Variants in LSM1 observed in about 807,000 individuals in gnomAD.
LSM1 encodes U6 snRNA-associated Sm-like protein LSm1.
In LSM1, 13 loss-of-function variants were observed where a neutral mutation model predicts 18.0. The ratio of observed to expected loss-of-function variants is 0.72; its 90% CI spans 0.47 to 1.15. LSM1 has a LOEUF of 1.15. Ranked by LOEUF, LSM1 falls within the 50% of genes most tolerant of loss-of-function variation. The pLI, the probability that LSM1 is intolerant of heterozygous loss-of-function variation, is 0.00. For synonymous variants in LSM1, 46 were observed against 56.0 expected (o/e 0.82, Z 0.80); for missense variants, 152 against 157.7 (o/e 0.96, Z 0.19).
At chr8:38,168,719 TATAA>T (rs1226574680) in intron 3 of LSM1, among the ~76,000 whole-genome samples, 20 of 152,000 alleles carry the variant, frequency 1.3e-4, no homozygotes, top group South Asian at 4.1e-4. Context: ...AAGTATTACT[TATAA>T]ATATTTTATA....
At chr8:38,176,204 T>C in intron 1 of LSM1, 71 bp downstream of exon 1, 1 of 1,374,944 alleles carries the variant, frequency 7.3e-7, no homozygotes, top group African/African-American at 1.4e-5. Context: ...TACAAGCTTC[T>C]TCGGAAGAGG....
chr8:38,176,594 G>A, upstream of LSM1: 1 of 567,906 alleles, frequency 1.8e-6, no homozygotes, highest in Admixed American at 3.3e-5. Context: ...AAGTAGGTAA[G>A]AGGAAACTCC....
Position 38,176,314 on chromosome 8 carries a change from A to G in LSM1, c.7T>C (p.Tyr3His). The G allele has an allele frequency of 6.2e-7, 1 of 1,612,948 alleles. No homozygotes were observed. The highest frequency in any genetic ancestry group is 8.5e-7 in the Non-Finnish European group (1 of 1,179,562). The change falls in exon 1 of 4, where the codon TAT becomes CAT. Residue 3 changes from tyrosine (Y) to histidine (H), a missense_variant. Tyr to His is a moderately conservative substitution (Grantham distance 83). Coordinates refer to ENST00000311351, the MANE Select transcript of LSM1 (RefSeq NM_014462.3). MNYMPGTASLIED... is the reference protein window; with the variant it reads MNHMPGTASLIED... The stretch of plus-strand genomic sequence containing the variant: ...ATGAGGCTGGCGGTGCCAGGCATAT[A>G]GTTCATTTTGAACTGAAATAATGCT...
chr8:38,172,378 G>C (rs1033566666), intron 1 of LSM1, among the ~76,000 whole-genome samples: 32 of 146,234 alleles, frequency 2.2e-4, no homozygotes, highest in African/African-American at 7.9e-4. Context: ...CTGCAGTGCA[G>C]TGGCACAATC....
intron 1 of LSM1, among the ~76,000 whole-genome samples, chr8:38,172,665 A>C (rs1803051768): frequency 6.6e-6 from 1 of 152,224 alleles, no homozygotes; most frequent in Non-Finnish European, 1.5e-5. Flanking sequence ...ATGTCATGTC[A>C]GTTTTTATAT....
chr8:38,171,111 G>A, intron 2 of LSM1: 1 of 294,600 alleles, frequency 3.4e-6, no homozygotes, highest in Non-Finnish European at 7.2e-6. Flanking sequence ...TATATGTAAA[G>A]TATTAAGCTT....
At chr8:38,167,264 A>G (rs1473395610) in intron 3 of LSM1, among the ~76,000 whole-genome samples, 1 of 152,226 alleles carries the variant, frequency 6.6e-6, no homozygotes, top group African/African-American at 2.4e-5. Flanking sequence ...ACACACATCT[A>G]CTTAGATGTA....
intron 3 of LSM1, among the ~76,000 whole-genome samples, chr8:38,169,343 T>A (rs989018732): frequency 3.3e-5 from 5 of 152,192 alleles, no homozygotes; most frequent in African/African-American, 4.8e-5. Flanking sequence ...AGGATCCAAG[T>A]AAGACTGAAC....
chr8:38,170,164 C>T (rs1296633372), intron 2 of LSM1, among the ~76,000 whole-genome samples: 4 of 152,172 alleles, frequency 2.6e-5, no homozygotes, highest in Non-Finnish European at 5.9e-5. Context: ...CCTCAGATTC[C>T]GGAGTAGCTG....
intron 2 of LSM1, among the ~76,000 whole-genome samples, chr8:38,170,191 C>T (rs184538854): frequency 6.6e-6 from 1 of 152,184 alleles, no homozygotes; most frequent in African/African-American, 2.4e-5. Flanking sequence ...CAGGTGCCTG[C>T]CACCACTCCC....
chr8:38,172,104 C>T, intron 1 of LSM1, 71 bp from the exon 2 acceptor site: 2 of 1,075,780 alleles, frequency 1.9e-6, no homozygotes, highest in Non-Finnish European at 2.8e-6. Flanking sequence ...TAATAATTAA[C>T]AGTTTAAGCT....
intron 3 of LSM1, among the ~76,000 whole-genome samples, chr8:38,167,966 T>C (rs1483424808): frequency 4.2e-5 from 6 of 142,368 alleles, no homozygotes; most frequent in African/African-American, 1.3e-4. Flanking sequence ...GCTTTCAGAC[T>C]TTTTTTTTTT....
intron 3 of LSM1, among the ~76,000 whole-genome samples, chr8:38,164,617 T>C (rs1236943728): frequency 1.3e-5 from 2 of 150,304 alleles, no homozygotes; most frequent in Non-Finnish European, 3.0e-5. Context: ...GGCCTAGGAG[T>C]TCGAGACCAG....
intron 1 of LSM1, among the ~76,000 whole-genome samples, chr8:38,175,351 A>G (rs548947843): frequency 3.7e-4 from 56 of 152,274 alleles, no homozygotes; most frequent in African/African-American, 1.3e-3. Context: ...TACAGGCGTG[A>G]GCCACCGCGC....
chr8:38,172,081 C>A, intron 1 of LSM1, 48 bp from the exon 2 acceptor site: 1 of 1,297,760 alleles, frequency 7.7e-7, no homozygotes, highest in Non-Finnish European at 1.1e-6. Flanking sequence ...ACAAGTTCAG[C>A]GAGTATTTAG....
At chr8:38,169,715 A>AT (rs1337790653) in intron 3 of LSM1, 87 bp downstream of exon 3, 1 of 740,488 alleles carries the variant, frequency 1.4e-6, no homozygotes, top group Admixed American at 2.5e-5. Flanking sequence ...TGTGGAGAAT[A>AT]TTTTTATTCT....
Sources: allele counts gnomAD v4.1 joint callset (sites outside exome capture counted in the v4.1 genomes callset), GRCh38; gene constraint gnomAD v4.1.1; transcripts MANE v1.5; gene names NCBI Gene and HGNC (gene_info 2026-07-23, HGNC 2026-07-21).